Variants in GART observed in about 807,000 individuals in gnomAD.
GART encodes the protein phosphoribosylglycinamide formyltransferase, phosphoribosylglycinamide synthetase, phosphoribosylaminoimidazole synthetase.
Under a neutral mutation model 107.2 loss-of-function variants are expected in GART, and 43 were observed. The ratio of observed to expected loss-of-function variants is 0.40; its 90% CI spans 0.31 to 0.52. The LOEUF (loss-of-function observed/expected upper bound fraction) is 0.52, where lower values mean the gene tolerates loss of function less well. GART is among the 20% of genes least tolerant of loss of function. GART has a pLI of 0.52. For synonymous variants in GART, 434 were observed against 427.0 expected, an observed-to-expected ratio of 1.02 and a Z score of -0.20; for missense variants, 1,107 against 1,206.5, an observed-to-expected ratio of 0.92 and a Z score of 1.22.
intron 16 of GART, among the ~76,000 whole-genome samples, chr21:33,512,761 A>C (rs1054990947): frequency 2.7e-5 from 2 of 72,874 alleles, no homozygotes; most frequent in African/African-American, 2.1e-4. Context: ...GCTATTTAAA[A>C]AATTTTTTTT....
intron 1 of GART, among the ~76,000 whole-genome samples, chr21:33,540,520 T>C (rs1569040252): frequency 1.3e-5 from 2 of 152,198 alleles, no homozygotes; most frequent in Non-Finnish European, 2.9e-5. Context: ...AGAATATTGG[T>C]AGAGAAGGCA....
At chr21:33,520,831 G>C (rs1266344165) in intron 13 of GART, 75 bp downstream of exon 13, 5 of 1,143,510 alleles carry the variant, frequency 4.4e-6, no homozygotes, top group Non-Finnish European at 6.4e-6. Context: ...TATGTCAAGA[G>C]AAGAAAAATA....
chr21:33,506,061 A>G lies in GART; in HGVS notation c.2496T>C (p.Asn832=), dbSNP rs751839156. The G allele has an allele frequency of 1.2e-6, 2 of 1,613,936 alleles. No individual in the cohort carries two copies. Among genetic ancestry groups the G allele is most frequent in the South Asian group, 2.2e-5 (2 of 91,080 alleles). ...TAACAATATCAATTTGTGCAGAGCT[A>G]TTTGGTTCCCGAGTACTGTCTATAA... ...QALIDSTREP[N]SSAQIDIVIS... Residue 832 remains asparagine, a synonymous_variant, in exon 19 of 22, where the codon AAT becomes AAC. Transcript: ENST00000381815.
chr21:33,513,582 TAAATAAAAATAAAAATG>T (rs1050658618), intron 16 of GART, among the ~76,000 whole-genome samples: 3 of 151,936 alleles, frequency 2.0e-5, no homozygotes, highest in Non-Finnish European at 4.4e-5. Flanking sequence ...AAAATAAAAA[TAAATAAAAATAAAAATG>T]AATCACATGT....
intron 14 of GART, among the ~76,000 whole-genome samples, chr21:33,519,530 C>T (rs1288912273): frequency 1.4e-5 from 2 of 139,544 alleles, no homozygotes; most frequent in Admixed American, 7.5e-5. Context: ...CTCCAGACTG[C>T]GTGACAGAGC....
Position 33,524,930 on chromosome 21 carries a change from T to C in GART, c.1137A>G (p.Val379=), listed in dbSNP as rs1056260621. Residue 379 remains valine (V), a synonymous_variant, in exon 11 of 22, where the codon GTA becomes GTG. Coordinates refer to ENST00000381815, the MANE Select transcript of GART (RefSeq NM_000819.5). ...HAGTALKNGK[V]VTHGGRVLAV... ...CAAGAACTCTACCCCCATGAGTTAC[T>C]ACTTTGCCATTTTTGAGGGCAGTGC... 6.2e-7 allele frequency: 1 copy of C among 1,614,108 alleles called. No homozygotes were observed. Among genetic ancestry groups the C allele is most frequent in the Non-Finnish European group, 8.5e-7 (1 of 1,180,050 alleles).
chr21:33,532,430 T>G lies in GART; in HGVS notation c.443A>C (p.Lys148Thr), dbSNP rs1481439644. The change falls in exon 5 of 22, where the codon AAG (lysine) becomes ACG (threonine). Residue 148 changes from lysine (K) to threonine (T), a missense_variant. Transcript: ENST00000381815. ...LSADFPALVV[K>T]ASGLAAGKGV... ...TTTTCCAGCTGCAAGACCACTGGCC[T>G]TCACAACCAAAGCAGGGAAGTCTGC... 1 of 1,613,816 alleles carries G rather than the reference T, an allele frequency of 6.2e-7. No individual in the cohort carries two copies. Among genetic ancestry groups the G allele is most frequent in the East Asian group, 2.2e-5 (1 of 44,886 alleles).
intron 11 of GART, chr21:33,524,454 G>A (rs1004973115): frequency 6.4e-6 from 4 of 623,574 alleles, no homozygotes; most frequent in African/African-American, 4.0e-5. Flanking sequence ...GGGAGGCTGA[G>A]GCATGAGAAC....
At chr21:33,539,805 A>G (rs1170944868) in intron 1 of GART, among the ~76,000 whole-genome samples, 1 of 152,208 alleles carries the variant, frequency 6.6e-6, no homozygotes, top group Non-Finnish European at 1.5e-5. Context: ...TCATAATTTG[A>G]GAAATATGAC....
chr21:33,520,042 C>T (rs1420247377), intron 14 of GART, among the ~76,000 whole-genome samples: 2 of 151,968 alleles, frequency 1.3e-5, no homozygotes, highest in Non-Finnish European at 2.9e-5. Flanking sequence ...GGAAATAACT[C>T]CTAGACCTGT....
Position 33,531,482 on chromosome 21 carries a change from T to C in GART, c.597+7A>G, listed in dbSNP as rs1302731824. 5.0e-6 allele frequency: 8 copies of C among 1,612,012 alleles called. No individual in the cohort carries two copies. Among genetic ancestry groups the C allele is most frequent in the Admixed American group, 1.7e-5 (1 of 59,818 alleles). ...ACTACAAAAGCCAAAAAGATGAATATACATACCGACACCTCTTCTCCGTCA... is the reference window on the plus strand; with the variant it reads ...ACTACAAAAGCCAAAAAGATGAATACACATACCGACACCTCTTCTCCGTCA... On this transcript the variant is annotated splice_region_variant and intron_variant, in intron 6 of 21. Coordinates refer to ENST00000381815, the MANE Select transcript of GART (RefSeq NM_000819.5).
chr21:33,540,701 A>T (rs540933048), intron 1 of GART, among the ~76,000 whole-genome samples: 3 of 152,350 alleles, frequency 2.0e-5, no homozygotes, highest in African/African-American at 7.2e-5. Flanking sequence ...ACCACAAGAC[A>T]AACTGGTAAC....
At position 33,539,297 on chromosome 21, in the gene GART, T is replaced by G; in HGVS notation, c.19A>C (p.Ile7Leu). The G allele has an allele frequency of 6.2e-7, 1 of 1,613,888 alleles. No homozygotes were observed. The highest frequency in any genetic ancestry group is 8.5e-7 in the Non-Finnish European group (1 of 1,179,910). Residue 7 changes from isoleucine (I) to leucine (L), a missense_variant, in exon 2 of 22, where the codon ATA (isoleucine) becomes CTA (leucine). Ile to Leu is a conservative substitution (Grantham distance 5, BLOSUM62 2). Transcript: ENST00000381815. ...TGTTCCCTTCCTCCACTGCCAATTATAAGTACTCGGGCTGCCATTGTTCTG... is the reference window on the plus strand; with the variant it reads ...TGTTCCCTTCCTCCACTGCCAATTAGAAGTACTCGGGCTGCCATTGTTCTG... MAARVLIIGSGGREHTL... is the reference protein window; with the variant it reads MAARVLLIGSGGREHTL...
chr21:33,531,432 C>T, intron 6 of GART, 57 bp downstream of exon 6: 3 of 1,464,562 alleles, frequency 2.0e-6, no homozygotes, highest in Non-Finnish European at 2.8e-6. Context: ...CTGGGGTACA[C>T]AGGTCAGATG....
intron 18 of GART, among the ~76,000 whole-genome samples, chr21:33,508,818 T>C (rs1187452500): frequency 6.6e-6 from 1 of 152,140 alleles, no homozygotes; most frequent in Admixed American, 6.5e-5. Flanking sequence ...CCCGGCCCTA[T>C]TGTTTCCATC....
Position 33,504,065 on chromosome 21 carries a change from C to A in GART, c.*59G>T. 2.0e-6 allele frequency: 3 copies of A among 1,467,796 alleles called. No individual in the cohort carries two copies. The highest frequency in any genetic ancestry group is 1.4e-5 in the South Asian group (1 of 70,922). 90.9% of individuals were successfully genotyped at this position (1,467,796 alleles called of 1,614,324 possible). ...TTGGGCCAAGTCCATGATAAAAAAC[C>A]ACCATGCAAACAGCAAATAATTCTT... On this transcript the variant is annotated 3_prime_UTR_variant, in exon 22 of 22. Coordinates refer to ENST00000381815, the MANE Select transcript of GART (RefSeq NM_000819.5).
At chr21:33,532,511 TA>T (rs1041612868) in intron 4 of GART, 55 bp from the exon 5 acceptor site, 1 of 1,324,264 alleles carries the variant, frequency 7.6e-7, no homozygotes, top group Non-Finnish European at 1.1e-6. Context: ...CTCAAGATTT[TA>T]AAATGCTGTG....
intron 18 of GART, among the ~76,000 whole-genome samples, chr21:33,508,434 G>C (rs1240652395): frequency 6.6e-6 from 1 of 151,026 alleles, no homozygotes; most frequent in Non-Finnish European, 1.5e-5. Context: ...TACCTACATA[G>C]TGAACATTAT....
chr21:33,532,930 A>G (rs1192353177), intron 4 of GART, among the ~76,000 whole-genome samples: 2 of 152,294 alleles, frequency 1.3e-5, no homozygotes, highest in East Asian at 3.9e-4. Context: ...TGCTCAAGGC[A>G]TCTGGCTGCT....
Sources: allele counts gnomAD v4.1 joint callset (sites outside exome capture counted in the v4.1 genomes callset), GRCh38; gene constraint gnomAD v4.1.1; transcripts MANE v1.5; gene names NCBI Gene and HGNC (gene_info 2026-07-23, HGNC 2026-07-21).